Variants in NOTCH2NLC observed in about 807,000 individuals in gnomAD.
The protein encoded by NOTCH2NLC is notch homolog 2 N-terminal-like protein C.
A neutral mutation model predicts 17.7 loss-of-function variants in NOTCH2NLC; 4 were observed. That is an observed-to-expected ratio of 0.23 (90% CI 0.11 to 0.52). NOTCH2NLC has a LOEUF of 0.52. NOTCH2NLC is among the 20% of genes least tolerant of loss of function. The probability of loss-of-function intolerance (pLI) is 0.96; values close to 1 mark genes in which losing one functional copy is unlikely to be tolerated. For missense variants in NOTCH2NLC, 57 were observed against 207.2 expected (o/e 0.28, Z 4.45); for synonymous variants, 18 against 86.0 (o/e 0.21, Z 4.38).
intron 3 of NOTCH2NLC, among the ~76,000 whole-genome samples, chr1:149,462,490 A>G (rs1269879944): frequency 7.5e-6 from 1 of 133,524 alleles, no homozygotes; most frequent in African/African-American, 2.8e-5. Context: ...TAGCAAGGCC[A>G]CAATTAATAA....
rs1421315376 is a variant in NOTCH2NLC at position 149,427,571 on chromosome 1, T to G, written c.136-3371T>G. ...TGGAGTGCAGTGGAGCAATCTCGGC[T>G]CACTGCAACCTCCGCCCCCCAGGTT... On this transcript the variant is annotated intron_variant, in intron 1 of 4. Transcript: ENST00000650865. 8.5e-5 allele frequency among the ~76,000 whole-genome samples: 6 copies of G among 70,272 alleles called. No homozygotes were observed. In the Admixed American group the frequency reaches 1.0e-3, roughly 12 times the overall value. 46.1% of individuals were successfully genotyped at this position (70,272 alleles called of 152,430 possible). A position where few individuals can be genotyped will look rare whatever the true frequency, so the allele number is the denominator to read the frequency against.
intron 1 of NOTCH2NLC, among the ~76,000 whole-genome samples, chr1:149,424,483 A>G (rs1311585577): frequency 2.0e-5 from 3 of 150,792 alleles, no homozygotes; most frequent in South Asian, 2.1e-4. Context: ...TTTGTGCTTA[A>G]TTTTCATGCA....
Position 149,390,839 on chromosome 1 carries a change from G to A in NOTCH2NLC, c.52G>A (p.Gly18Ser). The A allele has an allele frequency of 1.5e-6, 2 of 1,362,456 alleles. No homozygotes were observed. The highest frequency in any genetic ancestry group is 1.9e-6 in the Non-Finnish European group (2 of 1,060,106). The allele number at this position is 1,362,456 out of a possible 1,614,324, so 84.4% of individuals were successfully genotyped here. ...GGGGGGGGGG[G>S]DREDARPAPL... The stretch of plus-strand genomic sequence containing the variant: ...CGGCGGCGGCGGCGGCGGAGGAGGC[G>A]GCGACCGAGAAGATGCCCGCCCTGC... Residue 18 changes from glycine (G) to serine (S), a missense_variant, in exon 1 of 5, where the codon GGC becomes AGC. Gly to Ser is a moderately conservative substitution (Grantham distance 56). Around this residue, in one of 7 missense-constraint regions of NOTCH2NLC, gnomAD observed 25 missense variants for 27.0 expected, o/e 0.93. Transcript: ENST00000650865.
At position 149,450,290 on chromosome 1, in the gene NOTCH2NLC, G is replaced by A. The variant is rs1243378698; in HGVS notation, c.210-5028G>A. ...CTATGTGCTGGATAGTGTTCTAAGT[G>A]CTTTACCCTTATTTAAAAATCCTAT... On this transcript the variant is annotated intron_variant, in intron 2 of 4. Transcript: ENST00000650865. Among the ~76,000 whole-genome samples the A allele has an allele frequency of 1.5e-3, 202 of 132,642 alleles. 9 individuals are homozygous for A. The highest frequency in any genetic ancestry group is 5.6e-3 in the African/African-American group (198 of 35,398). The allele number at this position is 132,642 out of a possible 152,430, so 87.0% of individuals were successfully genotyped here.
At chr1:149,419,576 G>T (rs1215638239) in intron 1 of NOTCH2NLC, among the ~76,000 whole-genome samples, 1 of 149,588 alleles carries the variant, frequency 6.7e-6, no homozygotes, top group African/African-American at 2.5e-5. Context: ...AATCTGAGTA[G>T]TCTTGAAGAT....
At chr1:149,414,794 T>C (rs2084321686) in intron 1 of NOTCH2NLC, among the ~76,000 whole-genome samples, 1 of 150,096 alleles carries the variant, frequency 6.7e-6, no homozygotes, top group South Asian at 2.1e-4. Flanking sequence ...GAGTTTAATG[T>C]CTAAGATATT....
At chr1:149,393,313 A>G (rs1188860776) in intron 1 of NOTCH2NLC, among the ~76,000 whole-genome samples, 1 of 151,026 alleles carries the variant, frequency 6.6e-6, no homozygotes, top group African/African-American at 2.4e-5. Context: ...TAGATGCTAA[A>G]CTAATGCAGT....
chr1:149,417,097 C>CTT (rs1171555647), intron 1 of NOTCH2NLC, among the ~76,000 whole-genome samples: 2,550 of 69,668 alleles, frequency 0.037, 502 homozygotes, highest in Non-Finnish European at 0.054. Flanking sequence ...TCAGGTTTTC[C>CTT]TTTTTTTTTT....
chr1:149,417,078 TG>T (rs2084339644), intron 1 of NOTCH2NLC, among the ~76,000 whole-genome samples: 2 of 144,944 alleles, frequency 1.4e-5, no homozygotes, highest in African/African-American at 5.0e-5. Context: ...TTGCAGATTA[TG>T]GTGGATATCA....
At chr1:149,445,819 C>G (rs1164992999) in intron 2 of NOTCH2NLC, among the ~76,000 whole-genome samples, 3 of 145,602 alleles carry the variant, frequency 2.1e-5, no homozygotes, top group African/African-American at 7.6e-5. Flanking sequence ...TTTTGTAAAG[C>G]ATGCCTCTCT....
intron 1 of NOTCH2NLC, among the ~76,000 whole-genome samples, chr1:149,404,208 T>C (rs1459842938): frequency 8.1e-5 from 12 of 148,824 alleles, no homozygotes; most frequent in South Asian, 2.2e-4. Flanking sequence ...TGCCATCCAG[T>C]GTCACCATGC....
intron 2 of NOTCH2NLC, among the ~76,000 whole-genome samples, chr1:149,445,397 G>T (rs2084543893): frequency 7.6e-6 from 1 of 130,776 alleles, no homozygotes; most frequent in South Asian, 2.6e-4. Context: ...CAGAGTAGGG[G>T]GGCAGGAAAC....
intron 1 of NOTCH2NLC, among the ~76,000 whole-genome samples, chr1:149,427,101 G>C: frequency 6.6e-6 from 1 of 151,264 alleles, no homozygotes; most frequent in East Asian, 1.9e-4. Context: ...ACAATTAAAA[G>C]GTAGTTAGTA....
chr1:149,419,855 A>ATATATATTTTT (rs1468150839), intron 1 of NOTCH2NLC, among the ~76,000 whole-genome samples: 1 of 78,208 alleles, frequency 1.3e-5, no homozygotes, highest in Non-Finnish European at 2.3e-5. Flanking sequence ...ATATATATAT[A>ATATATATTTTT]TTTTTTTTTT....
chr1:149,424,748 A>G (rs2084403221), intron 1 of NOTCH2NLC, among the ~76,000 whole-genome samples: 1 of 151,306 alleles, frequency 6.6e-6, no homozygotes. Context: ...TTGTACAAGA[A>G]GTTTAGAGCC....
chr1:149,393,616 C>A (rs1293024026), intron 1 of NOTCH2NLC, among the ~76,000 whole-genome samples: 1 of 147,658 alleles, frequency 6.8e-6, no homozygotes, highest in African/African-American at 2.5e-5. Context: ...TGGGAAGTGA[C>A]TCCCTGATTT....
intron 2 of NOTCH2NLC, among the ~76,000 whole-genome samples, chr1:149,441,320 C>CAAA (rs2084519563): frequency 2.9e-5 from 2 of 68,940 alleles, no homozygotes; most frequent in African/African-American, 5.8e-5. Context: ...TTGGTTACCC[C>CAAA]AAATTAGCTC....
In NOTCH2NLC at chr1:149,460,854, C is replaced by CCTTTCTTTCTTTCTTTCCTT. The variant is rs2084641215; in HGVS notation, c.470-2620_470-2619insCTTCTTTCTTTCTTTCTTTC. Among the ~76,000 whole-genome samples, 97 of 113,910 alleles carry CCTTTCTTTCTTTCTTTCCTT rather than the reference C, an allele frequency of 8.5e-4. 6 individuals carry two copies. Among genetic ancestry groups the CCTTTCTTTCTTTCTTTCCTT allele is most frequent in the East Asian group, 6.1e-3 (22 of 3,592 alleles). 74.7% of individuals were successfully genotyped at this position (113,910 alleles called of 152,430 possible). ...AGGGTTGATTCTTTCTTTCTTTCTC[C>CCTTTCTTTCTTTCTTTCCTT]CTTTCTTTCTTTCTTTCTTTCTTTC... On this transcript the variant is annotated intron_variant, in intron 3 of 4. Transcript: ENST00000650865.
chr1:149,402,228 C>A (rs1254048664), intron 1 of NOTCH2NLC, among the ~76,000 whole-genome samples: 2 of 150,462 alleles, frequency 1.3e-5, no homozygotes, highest in Non-Finnish European at 3.0e-5. Context: ...TACAGGCATG[C>A]ACCACAACGC....
Sources: allele counts gnomAD v4.1 joint callset (sites outside exome capture counted in the v4.1 genomes callset), GRCh38; gene constraint gnomAD v4.1.1; regional missense constraint gnomAD v4.1.1; transcripts MANE v1.5; gene names NCBI Gene and HGNC (gene_info 2026-07-23, HGNC 2026-07-21).